The following TSNARE1 variants were observed in gnomAD, a reference collection of about 807,000 sequenced individuals.
The protein encoded by TSNARE1 is t-SNARE domain-containing protein 1.
In TSNARE1, 49 loss-of-function variants were observed where a neutral mutation model predicts 62.0. That is an observed-to-expected ratio of 0.79 (90% CI 0.63 to 1.00). TSNARE1 has a LOEUF of 1.00. TSNARE1 is among the 50% of genes least tolerant of loss of function. The pLI is 0.00. For missense variants in TSNARE1, 755 were observed against 700.1 expected (o/e 1.08, Z -0.88); for synonymous variants, 328 against 294.4 (o/e 1.11, Z -1.17).
intron 13 of TSNARE1, among the ~76,000 whole-genome samples, chr8:142,223,390 T>G (rs1285155064): frequency 6.6e-6 from 1 of 151,732 alleles, no homozygotes; most frequent in African/African-American, 2.4e-5. Flanking sequence ...ACTCAAGTAT[T>G]CACTCATTCA....
Position 142,222,355 on chromosome 8 carries a change from C to T in TSNARE1, c.*11+7118G>A, listed in dbSNP as rs200104918. Among the ~76,000 whole-genome samples, 5 of 28,934 alleles carry T rather than the reference C, an allele frequency of 1.7e-4. 1 individual carries two copies. Among genetic ancestry groups the T allele is most frequent in the Non-Finnish European group, 2.4e-4 (3 of 12,278 alleles). 19.0% of individuals were successfully genotyped at this position (28,934 alleles called of 152,430 possible). A position where few individuals can be genotyped will look rare whatever the true frequency, so the allele number is the denominator to read the frequency against. ...ACTCGCTCACTCATCCACTCACTCA[C>T]TCACTCATCCACTAATTCACTCACT... On this transcript the variant is annotated intron_variant, in intron 13 of 13. Transcript: ENST00000524325.
intron 6 of TSNARE1, 138 bp downstream of exon 6, chr8:142,330,763 C>A (rs991454565): frequency 2.5e-6 from 2 of 805,222 alleles, no homozygotes; most frequent in Non-Finnish European, 2.0e-6. Flanking sequence ...TGCATATGTG[C>A]GCACATGTGT....
At chr8:142,300,325 C>T (rs763227760) in intron 10 of TSNARE1, 161 bp downstream of exon 10, 1 of 751,520 alleles carries the variant, frequency 1.3e-6, no homozygotes, top group Non-Finnish European at 2.0e-6. Context: ...ACCAGATGGC[C>T]AGAGAGAGGT....
upstream of TSNARE1, chr8:142,406,494 A>G (rs1838585857): frequency 6.6e-6 from 1 of 152,254 alleles, no homozygotes; most frequent in Non-Finnish European, 1.5e-5. Context: ...CTTGTGAGGC[A>G]TGAGGGCGCG....
intron 2 of TSNARE1, among the ~76,000 whole-genome samples, chr8:142,349,312 G>GA (rs1486720686): frequency 6.6e-6 from 1 of 151,950 alleles, no homozygotes; most frequent in African/African-American, 2.4e-5. Context: ...ATTTAGAACT[G>GA]AAAAAAAATT....
intron 13 of TSNARE1, among the ~76,000 whole-genome samples, chr8:142,218,496 A>G (rs1201291737): frequency 1.3e-5 from 2 of 152,152 alleles, no homozygotes; most frequent in Non-Finnish European, 2.9e-5. Context: ...CTCACTGCCA[A>G]TGTCCCTCAG....
At chr8:142,212,434 G>A (rs1815586990) in intron 13 of TSNARE1, 121 bp from the exon 14 acceptor site, 1 of 152,262 alleles carries the variant, frequency 6.6e-6, no homozygotes, top group Non-Finnish European at 1.5e-5. Context: ...AGTGTCCATG[G>A]AGGTAGGGCC....
intron 13 of TSNARE1, among the ~76,000 whole-genome samples, chr8:142,226,684 C>CT (rs1417107747): frequency 6.6e-6 from 1 of 152,122 alleles, no homozygotes; most frequent in Non-Finnish European, 1.5e-5. Flanking sequence ...CAAGCCCAGG[C>CT]TTAATAGAGG....
chr8:142,301,228 C>A (rs1825710380), intron 9 of TSNARE1, among the ~76,000 whole-genome samples: 1 of 126,504 alleles, frequency 7.9e-6, no homozygotes. Context: ...CAGTGCCCCC[C>A]ACCTGCCCTG....
chr8:142,386,533 T>G (rs1196223772), intron 1 of TSNARE1, among the ~76,000 whole-genome samples: 4 of 152,060 alleles, frequency 2.6e-5, no homozygotes, highest in Non-Finnish European at 4.4e-5. Flanking sequence ...TTAGTTTAAC[T>G]TCACTAGGCA....
intron 10 of TSNARE1, 99 bp from the exon 11 acceptor site, chr8:142,284,584 G>C: frequency 1.1e-6 from 1 of 927,590 alleles, no homozygotes; most frequent in Non-Finnish European, 1.8e-6. Flanking sequence ...GGCCCAGGTG[G>C]CACCTGCAGA....
intron 11 of TSNARE1, among the ~76,000 whole-genome samples, chr8:142,283,780 C>A (rs1363184158): frequency 7.8e-6 from 1 of 128,792 alleles, no homozygotes; most frequent in African/African-American, 2.9e-5. Flanking sequence ...CGTCAATGAA[C>A]AGAGGCGGGG....
At chr8:142,275,625 G>C (rs1019097325) in intron 11 of TSNARE1, 9 of 985,306 alleles carry the variant, frequency 9.1e-6, no homozygotes, top group Non-Finnish European at 1.1e-5. Flanking sequence ...ATGCAAACAC[G>C]AGCAAACACG....
At chr8:142,306,206 G>A (rs1826641938) in intron 9 of TSNARE1, among the ~76,000 whole-genome samples, 1 of 152,168 alleles carries the variant, frequency 6.6e-6, no homozygotes, top group Admixed American at 6.5e-5. Context: ...GCTTCCCCCA[G>A]CCCCACGTTA....
intron 12 of TSNARE1, chr8:142,272,895 C>A: frequency 3.0e-6 from 3 of 984,824 alleles, no homozygotes; most frequent in Non-Finnish European, 3.6e-6. Flanking sequence ...GTGGGGAAGG[C>A]CCCTCGCAGG....
intron 12 of TSNARE1, among the ~76,000 whole-genome samples, chr8:142,235,522 T>C (rs928540038): frequency 2.6e-5 from 4 of 152,068 alleles, no homozygotes; most frequent in African/African-American, 9.7e-5. Context: ...TATTTGTATA[T>C]ATTTAGACTC....
chr8:142,219,883 C>T (rs1816126516), intron 13 of TSNARE1, among the ~76,000 whole-genome samples: 1 of 152,224 alleles, frequency 6.6e-6, no homozygotes, highest in Non-Finnish European at 1.5e-5. Flanking sequence ...TGCTCCAGCC[C>T]ACTGTGGATG....
chr8:142,385,215 A>G (rs1172481319), intron 1 of TSNARE1, among the ~76,000 whole-genome samples: 1 of 152,174 alleles, frequency 6.6e-6, no homozygotes. Flanking sequence ...AAGACAATAC[A>G]GTGACACCTC....
At chr8:142,282,291 C>T (rs1284436689) in intron 11 of TSNARE1, among the ~76,000 whole-genome samples, 2 of 152,236 alleles carry the variant, frequency 1.3e-5, no homozygotes, top group Non-Finnish European at 2.9e-5. Flanking sequence ...CAACCCTATC[C>T]ACCCCAGAAC....
Sources: gnomAD v4.1 joint callset for allele counts (sites outside exome capture counted in the v4.1 genomes callset) on GRCh38, gnomAD v4.1.1 for gene constraint, MANE v1.5 for transcripts, NCBI Gene and HGNC (gene_info 2026-07-23, HGNC 2026-07-21) for gene names.